CRTC3: variants seen among roughly 807,000 people sequenced by gnomAD.
CRTC3 encodes CREB regulated transcription coactivator 3, also known as CREB-regulated transcription coactivator 3.
Under a neutral mutation model 74.5 loss-of-function variants are expected in CRTC3, and 26 were observed. The ratio of observed to expected loss-of-function variants is 0.35; its 90% CI spans 0.26 to 0.48. The LOEUF is 0.48. Ranked by LOEUF, CRTC3 falls within the 20% of genes least tolerant of loss-of-function variation. CRTC3 has a pLI of 0.99. For missense variants in CRTC3, 760 were observed against 787.3 expected (o/e 0.97, Z 0.41); for synonymous variants, 377 against 325.8 (o/e 1.16, Z -1.69).
rs949932796 is a variant in CRTC3, at chr15:90,588,693, C to T, written c.232-4943C>T. Among the ~76,000 whole-genome samples the T allele has an allele frequency of 5.9e-5, 9 of 152,228 alleles. No individual in the cohort carries two copies. The East Asian group carries it at 9.7e-4, about 16-fold the overall frequency. ...ACAGATGGTGCCTGAGCTGTAGGAC[C>T]GTTGGGGAGCACCGTGGGAGGCTCA... On this transcript the variant is annotated intron_variant, in intron 2 of 14. Coordinates refer to ENST00000268184, the MANE Select transcript of CRTC3 (RefSeq NM_022769.5).
chr15:90,561,563 A>G (rs1967010872), intron 2 of CRTC3, among the ~76,000 whole-genome samples: 1 of 152,198 alleles, frequency 6.6e-6, no homozygotes, highest in Admixed American at 6.5e-5. Context: ...ACCAGGAAAG[A>G]AGCTAGGTCT....
intron 11 of CRTC3, among the ~76,000 whole-genome samples, chr15:90,633,716 G>A (rs2151095290): frequency 6.7e-6 from 1 of 148,726 alleles, no homozygotes; most frequent in South Asian, 2.1e-4. Flanking sequence ...CTTTCTCTCT[G>A]GAACTCTACG....
intron 2 of CRTC3, among the ~76,000 whole-genome samples, chr15:90,549,988 G>A (rs923633825): frequency 2.4e-4 from 36 of 150,654 alleles, no homozygotes; most frequent in Non-Finnish European, 4.4e-4. Context: ...ACAGGCGTGA[G>A]CCACCACACC....
chr15:90,618,047 GA>G, intron 8 of CRTC3, 79 bp downstream of exon 8: 1 of 880,332 alleles, frequency 1.1e-6, no homozygotes. Flanking sequence ...CTGCAGAGGT[GA>G]AAGCAAGAGG....
At chr15:90,547,469 C>T (rs1567161677) in intron 2 of CRTC3, among the ~76,000 whole-genome samples, 2 of 152,194 alleles carry the variant, frequency 1.3e-5, no homozygotes, top group Admixed American at 6.5e-5. Flanking sequence ...GACCAATTTT[C>T]TATCCTAATG....
chr15:90,598,284 G>A, intron 3 of CRTC3: 1 of 611,224 alleles, frequency 1.6e-6, no homozygotes, highest in South Asian at 1.9e-5. Context: ...CGCAGGTCAA[G>A]CAGCACAAAG....
In CRTC3 at chr15:90,642,274, A is replaced by G; in HGVS notation, c.*134A>G. The G allele has an allele frequency of 1.4e-6, 1 of 701,426 alleles. No homozygotes were observed. 43.5% of individuals were successfully genotyped at this position (701,426 alleles called of 1,614,324 possible). Reference sequence around the variant, plus strand: ...AGCAATGCCACGGCTCCAGGGTTTCAGATGAGATCCCATCTCAGACACTGT... The same window carrying G: ...AGCAATGCCACGGCTCCAGGGTTTCGGATGAGATCCCATCTCAGACACTGT... On this transcript the variant is annotated 3_prime_UTR_variant, in exon 15 of 15. Coordinates refer to ENST00000268184, the MANE Select transcript of CRTC3 (RefSeq NM_022769.5).
intron 10 of CRTC3, 76 bp from the exon 11 acceptor site, chr15:90,629,158 C>G (rs752819492): frequency 9.5e-5 from 131 of 1,377,232 alleles, no homozygotes; most frequent in Non-Finnish European, 1.2e-4. Context: ...TGACAGTAGA[C>G]AGTTTTCTTT....
chr15:90,641,466 G>C (rs968947940), intron 14 of CRTC3, among the ~76,000 whole-genome samples: 2 of 152,082 alleles, frequency 1.3e-5, no homozygotes, highest in African/African-American at 4.8e-5. Context: ...GGGAGGCCGA[G>C]GTGGGCGGAT....
At chr15:90,570,076 A>G (rs576538747) in intron 2 of CRTC3, among the ~76,000 whole-genome samples, 1 of 152,358 alleles carries the variant, frequency 6.6e-6, no homozygotes, top group South Asian at 2.1e-4. Context: ...AAAAAGGAAT[A>G]CAATTATATG....
At chr15:90,638,219 GTTCTT>G (rs1409605013) in intron 11 of CRTC3, 24 of 465,488 alleles carry the variant, frequency 5.2e-5, no homozygotes, top group Non-Finnish European at 8.0e-5. Flanking sequence ...TTCTTGTTTA[GTTCTT>G]TTAAGACAAT....
intron 1 of CRTC3, chr15:90,539,637 T>C (rs3862436): frequency 0.88 from 219,620 of 249,370 alleles, 97,176 homozygotes; most frequent in Middle Eastern, 0.92. Context: ...GCTATGCAGT[T>C]CTTACCATAA....
chr15:90,572,575 T>A (rs1967297214), intron 2 of CRTC3, among the ~76,000 whole-genome samples: 1 of 152,162 alleles, frequency 6.6e-6, no homozygotes. Flanking sequence ...ATATATCCTT[T>A]TTTTGATTTC....
At chr15:90,592,654 T>TTGTA (rs1967827422) in intron 2 of CRTC3, among the ~76,000 whole-genome samples, 1 of 152,236 alleles carries the variant, frequency 6.6e-6, no homozygotes, top group African/African-American at 2.4e-5. Flanking sequence ...GACTGATGAT[T>TTGTA]TGTATGTTTT....
intron 9 of CRTC3, among the ~76,000 whole-genome samples, chr15:90,621,799 CTTACT>C (rs1684354422): frequency 6.6e-6 from 1 of 152,200 alleles, no homozygotes; most frequent in Admixed American, 6.5e-5. Context: ...CTTTCTTGCT[CTTACT>C]TTACAGATAG....
intron 5 of CRTC3, among the ~76,000 whole-genome samples, chr15:90,606,549 G>A (rs927969637): frequency 1.3e-5 from 2 of 152,096 alleles, no homozygotes; most frequent in Non-Finnish European, 1.5e-5. Context: ...GCAACAGAGC[G>A]AGACTCTGTC....
chr15:90,626,043 C>A, intron 10 of CRTC3, 50 bp downstream of exon 10: 1 of 1,399,860 alleles, frequency 7.1e-7, no homozygotes, highest in South Asian at 1.2e-5. Context: ...CATAGGTGGT[C>A]CCCACCCATG....
chr15:90,641,182 C>G lies in CRTC3; in HGVS notation c.1634C>G (p.Pro545Arg). Residue 545 changes from proline to arginine, a missense_variant, in exon 14 of 15, where the codon CCG becomes CGG. Around this residue, in one of 2 missense-constraint regions of CRTC3, gnomAD observed 652 missense variants for 635.2 expected, o/e 1.03. Coordinates refer to ENST00000268184, the MANE Select transcript of CRTC3 (RefSeq NM_022769.5). ...CCGTATTCCAACTGCGGGAGTCTCC[C>G]GAACACCATCCTGCCAGGTGAGCGA... is the stretch of plus-strand genomic sequence containing the variant. ...PSPYSNCGSL[P>R]NTILPEDSST... is the part of the protein sequence containing the mutation. 1 of 1,612,328 alleles carries G rather than the reference C, an allele frequency of 6.2e-7. No homozygotes were observed. The highest frequency in any genetic ancestry group is 8.5e-7 in the Non-Finnish European group (1 of 1,178,482).
At chr15:90,623,002 A>C (rs954516016) in intron 9 of CRTC3, among the ~76,000 whole-genome samples, 1 of 152,114 alleles carries the variant, frequency 6.6e-6, no homozygotes, top group African/African-American at 2.4e-5. Flanking sequence ...TACTTTTACC[A>C]AGAAAAGTGA....
Sources: allele counts gnomAD v4.1 joint callset (sites outside exome capture counted in the v4.1 genomes callset), GRCh38; gene constraint gnomAD v4.1.1; regional missense constraint gnomAD v4.1.1; transcripts MANE v1.5; gene names NCBI Gene and HGNC (gene_info 2026-07-23, HGNC 2026-07-21).